PPP1R36: variants seen among roughly 807,000 people sequenced by gnomAD.
PPP1R36 encodes the protein protein phosphatase 1 regulatory subunit 36, also known as chromosome 14 open reading frame 50.
Under a neutral mutation model 53.4 loss-of-function variants are expected in PPP1R36, and 47 were observed. The ratio of observed to expected loss-of-function variants is 0.88; its 90% confidence interval spans 0.70 to 1.12. The LOEUF is 1.12. PPP1R36 is among the 50% of genes most tolerant of loss of function. The probability of loss-of-function intolerance (pLI) is 0.00; values close to 1 mark genes in which losing one functional copy is unlikely to be tolerated. For missense variants in PPP1R36, 456 were observed against 513.9 expected, an observed-to-expected ratio of 0.89 and a Z score of 1.09; for synonymous variants, 153 against 170.5, an observed-to-expected ratio of 0.90 and a Z score of 0.80.
At chr14:64,577,035 G>C (rs1217954563) in intron 8 of PPP1R36, among the ~76,000 whole-genome samples, 1 of 152,166 alleles carries the variant, frequency 6.6e-6, no homozygotes, top group Non-Finnish European at 1.5e-5. Flanking sequence ...CAACAGAAAT[G>C]TATTTCTCAG....
At chr14:64,567,557 AT>A (rs11320739) in intron 6 of PPP1R36, among the ~76,000 whole-genome samples, 2,283 of 152,340 alleles carry the variant, frequency 0.015, 60 homozygotes, top group African/African-American at 0.052. Context: ...ACCAAAAAAC[AT>A]TTTGAAGGCA....
At chr14:64,558,336 C>T (rs564228722) in intron 3 of PPP1R36, among the ~76,000 whole-genome samples, 12 of 151,970 alleles carry the variant, frequency 7.9e-5, no homozygotes, top group Admixed American at 2.0e-4. Context: ...CTCAGCACTT[C>T]GAAAGCCTGA....
rs191218952 is a variant in PPP1R36, at chr14:64,558,192, A to G, written c.182+5331A>G. Among the ~76,000 whole-genome samples the G allele has an allele frequency of 2.7e-3, 404 of 152,318 alleles. 1 individual carries two copies. Among genetic ancestry groups the G allele is most frequent in the African/African-American group, 9.4e-3 (392 of 41,568 alleles). On this transcript the variant is annotated intron_variant, in intron 3 of 11. Coordinates refer to ENST00000298705, the MANE Select transcript of PPP1R36 (RefSeq NM_172365.3). ...AACAAATTACGGATCCATAGGGACTAGGTGAGAAGCAGCTTCAGGAAGGCT... is the reference window on the plus strand; with the variant it reads ...AACAAATTACGGATCCATAGGGACTGGGTGAGAAGCAGCTTCAGGAAGGCT...
intron 8 of PPP1R36, among the ~76,000 whole-genome samples, chr14:64,584,822 G>A (rs1052580869): frequency 6.6e-6 from 1 of 152,160 alleles, no homozygotes; most frequent in Non-Finnish European, 1.5e-5. Context: ...TACATGTAAA[G>A]GGCTTAGCGT....
At chr14:64,577,376 T>A (rs931097761) in intron 8 of PPP1R36, among the ~76,000 whole-genome samples, 1 of 152,142 alleles carries the variant, frequency 6.6e-6, no homozygotes, top group Admixed American at 6.6e-5. Flanking sequence ...AGTGTCTGGG[T>A]GCAGCAAGCC....
intron 8 of PPP1R36, among the ~76,000 whole-genome samples, chr14:64,577,210 C>A (rs930218903): frequency 6.6e-6 from 1 of 152,196 alleles, no homozygotes; most frequent in African/African-American, 2.4e-5. Flanking sequence ...CTAATTCACA[C>A]AATGCATACG....
At chr14:64,554,441 AC>A in intron 3 of PPP1R36, among the ~76,000 whole-genome samples, 1 of 152,148 alleles carries the variant, frequency 6.6e-6, no homozygotes, top group East Asian at 1.9e-4. Flanking sequence ...GTGAGCCACC[AC>A]ACCTGGCTTC....
chr14:64,558,454 C>A (rs1433010124), intron 3 of PPP1R36, among the ~76,000 whole-genome samples: 1 of 151,872 alleles, frequency 6.6e-6, no homozygotes, highest in Non-Finnish European at 1.5e-5. Flanking sequence ...TAGTGTGTGC[C>A]TGTGGTTCCA....
intron 8 of PPP1R36, chr14:64,586,311 T>C (rs1312819695): frequency 6.6e-6 from 1 of 152,484 alleles, no homozygotes; most frequent in East Asian, 1.9e-4. Flanking sequence ...TTGCAAGGAC[T>C]CCTGGGAAGA....
intron 8 of PPP1R36, among the ~76,000 whole-genome samples, chr14:64,574,799 G>A (rs893584083): frequency 5.3e-5 from 8 of 152,208 alleles, no homozygotes; most frequent in Non-Finnish European, 7.3e-5. Flanking sequence ...GAATCTCAGC[G>A]GATATTTTTA....
chr14:64,564,971 A>G lies in PPP1R36; in HGVS notation c.269+134A>G, dbSNP rs951261879. The G allele has an allele frequency of 4.8e-5, 31 of 649,830 alleles. No individual in the cohort carries two copies. The African/African-American group carries it at 5.4e-4, about 11-fold the overall frequency. 40.3% of individuals were successfully genotyped at this position (649,830 alleles called of 1,614,324 possible). On this transcript the variant is annotated intron_variant, in intron 4 of 11. Coordinates refer to ENST00000298705, the MANE Select transcript of PPP1R36 (RefSeq NM_172365.3). The stretch of plus-strand genomic sequence containing the variant: ...TGCGAATACCCATCAAAGAAAGAAC[A>G]TGTGCTGTTTCAGCATTATGGTGGG...
At chr14:64,581,789 T>A (rs1023723671) in intron 8 of PPP1R36, among the ~76,000 whole-genome samples, 9 of 152,262 alleles carry the variant, frequency 5.9e-5, no homozygotes, top group Non-Finnish European at 1.2e-4. Context: ...AGTGCTTTCA[T>A]GTCTCTTGAG....
chr14:64,585,713 G>A (rs2080427416), intron 8 of PPP1R36, among the ~76,000 whole-genome samples: 1 of 152,028 alleles, frequency 6.6e-6, no homozygotes. Flanking sequence ...TCACACTACT[G>A]CACTCCAGCT....
chr14:64,586,804 C>G (rs1390533788), intron 8 of PPP1R36, 33 bp from the exon 9 acceptor site: 10 of 1,541,244 alleles, frequency 6.5e-6, no homozygotes, highest in Non-Finnish European at 9.0e-6. Flanking sequence ...GAACTTCCCT[C>G]TCAACCTATA....
At chr14:64,587,394 A>T in intron 10 of PPP1R36, 22 bp downstream of exon 10, 1 of 1,377,150 alleles carries the variant, frequency 7.3e-7, no homozygotes, top group South Asian at 1.5e-5. Context: ...TGACTTTCCT[A>T]TGCTCAGGGG....
At chr14:64,584,290 C>T (rs912402893) in intron 8 of PPP1R36, among the ~76,000 whole-genome samples, 1 of 152,172 alleles carries the variant, frequency 6.6e-6, no homozygotes, top group African/African-American at 2.4e-5. Flanking sequence ...ATTTCAAAAC[C>T]ATGCTAAGAT....
chr14:64,586,898 G>C lies in PPP1R36; in HGVS notation c.711+19G>C. ...CTTTGAGGTGAGTCACTTATGTTTT[G>C]GTGCTTTTTGATATGAAACAATATA... On this transcript the variant is annotated intron_variant, in intron 9 of 11. Transcript: ENST00000298705. 6.2e-7 allele frequency: 1 copy of C among 1,602,414 alleles called. No individual in the cohort carries two copies. Among genetic ancestry groups the C allele is most frequent in the Non-Finnish European group, 8.5e-7 (1 of 1,170,524 alleles).
At chr14:64,573,202 C>T (rs2080316407) in intron 7 of PPP1R36, among the ~76,000 whole-genome samples, 1 of 152,160 alleles carries the variant, frequency 6.6e-6, no homozygotes, top group African/African-American at 2.4e-5. Flanking sequence ...TATTGTATAG[C>T]AGAAACTTAA....
At chr14:64,562,249 T>C (rs1313845185) in intron 3 of PPP1R36, among the ~76,000 whole-genome samples, 1 of 152,074 alleles carries the variant, frequency 6.6e-6, no homozygotes, top group African/African-American at 2.4e-5. Context: ...TCACTTGAGG[T>C]CAGGAGTTTG....
Sources: allele counts gnomAD v4.1 joint callset (sites outside exome capture counted in the v4.1 genomes callset), GRCh38; gene constraint gnomAD v4.1.1; transcripts MANE v1.5; gene names NCBI Gene and HGNC (gene_info 2026-07-23, HGNC 2026-07-21).